SORCS1: variants seen among roughly 807,000 people sequenced by gnomAD.
The protein encoded by SORCS1 is VPS10 domain-containing receptor SorCS1.
Under a neutral mutation model 146.1 loss-of-function variants are expected in SORCS1, and 60 were observed. The observed-to-expected ratio is 0.41, with a 90% CI of 0.33 to 0.51. SORCS1 has a LOEUF of 0.51. Ranked by LOEUF, SORCS1 falls within the 20% of genes least tolerant of loss-of-function variation. The pLI, the probability that SORCS1 is intolerant of heterozygous loss-of-function variation, is 0.21. For missense variants in SORCS1, 1,352 were observed against 1,487.6 expected, an observed-to-expected ratio of 0.91 and a Z score of 1.50; for synonymous variants, 637 against 584.0, an observed-to-expected ratio of 1.09 and a Z score of -1.31.
At chr10:106,611,743 T>A (rs1321072134) in intron 22 of SORCS1, among the ~76,000 whole-genome samples, 168 bp downstream of exon 22, 1 of 152,234 alleles carries the variant, frequency 6.6e-6, no homozygotes, top group Non-Finnish European at 1.5e-5. Context: ...GGTCTCTGCA[T>A]GTGTGGGGCT....
intron 24 of SORCS1, among the ~76,000 whole-genome samples, chr10:106,584,657 A>G (rs1369628284): frequency 6.6e-6 from 1 of 152,182 alleles, no homozygotes; most frequent in Non-Finnish European, 1.5e-5. Context: ...CCCTAAATCA[A>G]CTGTGGTCTA....
intron 1 of SORCS1, among the ~76,000 whole-genome samples, chr10:107,145,898 T>C (rs1178040081): frequency 6.6e-6 from 1 of 152,234 alleles, no homozygotes; most frequent in South Asian, 2.1e-4. Flanking sequence ...ACTATCATTT[T>C]AGCTCTATTT....
chr10:106,756,516 T>G (rs1468983718), intron 5 of SORCS1, among the ~76,000 whole-genome samples: 1 of 152,196 alleles, frequency 6.6e-6, no homozygotes, highest in Non-Finnish European at 1.5e-5. Flanking sequence ...ATAATTGATT[T>G]CCAGCACAGG....
intron 2 of SORCS1, among the ~76,000 whole-genome samples, chr10:106,917,806 G>T (rs1013064736): frequency 6.6e-6 from 1 of 152,316 alleles, no homozygotes; most frequent in African/African-American, 2.4e-5. Flanking sequence ...GACTCTGAGA[G>T]AAATTGTTCC....
Position 106,962,965 on chromosome 10 carries a change from G to C in SORCS1, c.559-6385C>G, listed in dbSNP as rs185836531. Among the ~76,000 whole-genome samples, 33 of 152,250 alleles carry C rather than the reference G, an allele frequency of 2.2e-4. No individual in the cohort carries two copies. In the East Asian group the frequency reaches 6.4e-3, roughly 29 times the overall value. On this transcript the variant is annotated intron_variant, in intron 1 of 25. Coordinates refer to ENST00000263054, the MANE Select transcript of SORCS1 (RefSeq NM_052918.5). ...CTGCTTATTTCAGCAGCTTGCTGGAGACCAATTGTTTAGACGTATTTACAG... is the reference window on the plus strand; with the variant it reads ...CTGCTTATTTCAGCAGCTTGCTGGACACCAATTGTTTAGACGTATTTACAG...
chr10:106,754,735 T>C (rs1174990139), intron 5 of SORCS1, among the ~76,000 whole-genome samples: 1 of 152,196 alleles, frequency 6.6e-6, no homozygotes, highest in Non-Finnish European at 1.5e-5. Context: ...TTTATCCTTC[T>C]GCTATATAAT....
chr10:106,981,282 T>C (rs1464619171), intron 1 of SORCS1, among the ~76,000 whole-genome samples: 1 of 152,198 alleles, frequency 6.6e-6, no homozygotes, highest in Non-Finnish European at 1.5e-5. Context: ...GTGGTAATTG[T>C]CTGCCACCAG....
chr10:106,946,293 T>A (rs1485947013), intron 2 of SORCS1, among the ~76,000 whole-genome samples: 1 of 152,228 alleles, frequency 6.6e-6, no homozygotes, highest in African/African-American at 2.4e-5. Flanking sequence ...GACATGGTCA[T>A]AGTCTTTGGA....
intron 3 of SORCS1, among the ~76,000 whole-genome samples, chr10:106,822,802 T>TTTTTTTTTTTTTTTTTTTTTTG (rs994708912): frequency 4.3e-5 from 6 of 140,194 alleles, no homozygotes; most frequent in East Asian, 2.3e-4. Context: ...TTTTTTTTTT[T>TTTTTTTTTTTTTTTTTTTTTTG]GAATATTGCT....
chr10:106,770,298 G>A (rs1859918643), intron 4 of SORCS1, among the ~76,000 whole-genome samples: 1 of 152,216 alleles, frequency 6.6e-6, no homozygotes, highest in Middle Eastern at 3.4e-3. Flanking sequence ...CAGGAATGAA[G>A]CAAGTTTTCC....
intron 1 of SORCS1, among the ~76,000 whole-genome samples, chr10:107,078,976 A>G (rs1963109737): frequency 6.6e-6 from 1 of 152,222 alleles, no homozygotes; most frequent in Non-Finnish European, 1.5e-5. Flanking sequence ...CTGTAATCCC[A>G]GCACTTTGGG....
At chr10:106,939,878 T>C (rs1477793711) in intron 2 of SORCS1, among the ~76,000 whole-genome samples, 1 of 152,220 alleles carries the variant, frequency 6.6e-6, no homozygotes, top group East Asian at 1.9e-4. Context: ...TGTTGAGCCA[T>C]GGATACTCGC....
At chr10:106,939,253 CAA>C (rs1297788746) in intron 2 of SORCS1, among the ~76,000 whole-genome samples, 1 of 152,208 alleles carries the variant, frequency 6.6e-6, no homozygotes, top group African/African-American at 2.4e-5. Flanking sequence ...ATGGCTAATC[CAA>C]GTCTTCGATT....
intron 4 of SORCS1, among the ~76,000 whole-genome samples, chr10:106,768,664 A>G (rs568815264): frequency 6.6e-6 from 1 of 152,352 alleles, no homozygotes; most frequent in South Asian, 2.1e-4. Context: ...GTGATTGTCT[A>G]AAAAGGCATT....
At chr10:107,125,028 C>T (rs1313862750) in intron 1 of SORCS1, among the ~76,000 whole-genome samples, 1 of 147,850 alleles carries the variant, frequency 6.8e-6, no homozygotes, top group Non-Finnish European at 1.5e-5. Context: ...TCTCGGCTCA[C>T]TGCAACCTCT....
chr10:106,649,598 CT>C lies in SORCS1; in HGVS notation c.2475+2783del, dbSNP rs1235132320. Among the ~76,000 whole-genome samples the C allele has an allele frequency of 3.3e-5, 5 of 152,194 alleles. No homozygotes were observed. The East Asian group carries it at 5.8e-4, about 18-fold the overall frequency. On this transcript the variant is annotated intron_variant, in intron 18 of 25. Transcript: ENST00000263054. ...TCAGTGATTTTTCTTTGCACATATT[CT>C]TCTTGAGTTTGCTGATTCTGTTAAA...
In SORCS1 at chr10:107,043,982, C is replaced by T. The variant is rs112460791; in HGVS notation, c.559-87402G>A. On this transcript the variant is annotated intron_variant, in intron 1 of 25. Coordinates refer to ENST00000263054, the MANE Select transcript of SORCS1 (RefSeq NM_052918.5). ...CTTGTCCATACTGATATTCTCCTGGCGGGATGTGACTTTCCTTGCTGGTGT... is the reference window on the plus strand; with the variant it reads ...CTTGTCCATACTGATATTCTCCTGGTGGGATGTGACTTTCCTTGCTGGTGT... Among the ~76,000 whole-genome samples, 222 of 152,256 alleles carry T rather than the reference C, an allele frequency of 1.5e-3. 2 individuals are homozygous for T. The highest frequency in any genetic ancestry group is 4.1e-3 in the African/African-American group (171 of 41,546).
chr10:106,912,525 A>G (rs900975216), intron 2 of SORCS1, among the ~76,000 whole-genome samples: 2 of 152,170 alleles, frequency 1.3e-5, no homozygotes, highest in Admixed American at 1.3e-4. Context: ...AAATTTTCGG[A>G]CCACCACTTT....
At chr10:107,179,665 T>C in the SORCS1 span, among the ~76,000 whole-genome samples, 1 of 152,132 alleles carries the variant, frequency 6.6e-6, no homozygotes, top group Non-Finnish European at 1.5e-5. Context: ...TAAATTTGCA[T>C]TTCTCTTATG....
Sources: gnomAD v4.1 joint callset for allele counts (sites outside exome capture counted in the v4.1 genomes callset) on GRCh38, gnomAD v4.1.1 for gene constraint, MANE v1.5 for transcripts, NCBI Gene and HGNC (gene_info 2026-07-23, HGNC 2026-07-21) for gene names.